SHANK2: variants seen among roughly 807,000 people sequenced by gnomAD.
SHANK2 encodes the protein SH3 and multiple ankyrin repeat domains 2, also known as SH3 and multiple ankyrin repeat domains protein 2.
Under a neutral mutation model 133.7 loss-of-function variants are expected in SHANK2, and 43 were observed. The ratio of observed to expected loss-of-function variants is 0.32; its 90% confidence interval spans 0.25 to 0.41. The LOEUF (loss-of-function observed/expected upper bound fraction) is 0.41. SHANK2 is among the 10% of genes least tolerant of loss of function. The pLI, the probability that SHANK2 is intolerant of heterozygous loss-of-function variation, is 1.00. For missense variants in SHANK2, 1,994 were observed against 2,235.8 expected (o/e 0.89, Z 2.18); for synonymous variants, 1,017 against 952.8 (o/e 1.07, Z -1.24).
At chr11:70,534,260 C>T (rs1434293084) in intron 17 of SHANK2, among the ~76,000 whole-genome samples, 16 of 152,136 alleles carry the variant, frequency 1.1e-4, no homozygotes, top group Admixed American at 2.0e-4. Flanking sequence ...CCTCACATGG[C>T]GGCAGGAGAG....
chr11:70,849,902 G>A (rs1555064959), intron 11 of SHANK2, among the ~76,000 whole-genome samples: 1 of 152,122 alleles, frequency 6.6e-6, no homozygotes, highest in Admixed American at 6.5e-5. Context: ...GTGACATCAA[G>A]TATATTCACA....
chr11:70,944,321 T>A (rs1372432117), intron 10 of SHANK2, among the ~76,000 whole-genome samples: 1 of 152,150 alleles, frequency 6.6e-6, no homozygotes, highest in East Asian at 1.9e-4. Flanking sequence ...TCCACACTCA[T>A]CCCAGGCCCG....
At chr11:71,091,442 A>G (rs1951518575) in intron 8 of SHANK2, among the ~76,000 whole-genome samples, 1 of 152,194 alleles carries the variant, frequency 6.6e-6, no homozygotes, top group Admixed American at 6.5e-5. Context: ...TGGTAATGGC[A>G]GAGGAGAACA....
chr11:70,730,894 C>A (rs1489372466), intron 14 of SHANK2, among the ~76,000 whole-genome samples: 3 of 132,728 alleles, frequency 2.3e-5, no homozygotes, highest in Admixed American at 8.4e-5. Flanking sequence ...TAAAAAAATA[C>A]AATTTGTTGG....
intron 14 of SHANK2, among the ~76,000 whole-genome samples, chr11:70,790,934 G>A (rs1555047864): frequency 6.6e-6 from 1 of 152,168 alleles, no homozygotes; most frequent in Non-Finnish European, 1.5e-5. Context: ...GGGGGCAGGG[G>A]ACCCTAAGGT....
intron 9 of SHANK2, among the ~76,000 whole-genome samples, chr11:71,060,729 A>T (rs1950977202): frequency 6.6e-6 from 1 of 152,224 alleles, no homozygotes; most frequent in South Asian, 2.1e-4. Flanking sequence ...ACAACACTGC[A>T]GATGGAGGCT....
chr11:71,109,884 C>T (rs1555098768), intron 6 of SHANK2, 57 bp downstream of exon 6: 4 of 1,060,802 alleles, frequency 3.8e-6, no homozygotes, highest in African/African-American at 3.2e-5. Flanking sequence ...GAGCAGTGGG[C>T]TGGCCTTCTC....
intron 25 of SHANK2, among the ~76,000 whole-genome samples, chr11:70,482,594 G>A (rs1555152002): frequency 1.3e-5 from 2 of 152,206 alleles, no homozygotes; most frequent in African/African-American, 4.8e-5. Flanking sequence ...TCACACAGTG[G>A]GAAAAATTAC....
intron 17 of SHANK2, among the ~76,000 whole-genome samples, chr11:70,516,180 C>G (rs533231837): frequency 6.6e-6 from 1 of 152,152 alleles, no homozygotes; most frequent in Admixed American, 6.5e-5. Context: ...AACACAATAT[C>G]GAAGGAGGAC....
chr11:70,939,862 A>G (rs1950620855), intron 10 of SHANK2, among the ~76,000 whole-genome samples: 1 of 152,214 alleles, frequency 6.6e-6, no homozygotes, highest in Non-Finnish European at 1.5e-5. Flanking sequence ...CGATCTTCAG[A>G]TGCAGAGACT....
intron 2 of SHANK2, among the ~76,000 whole-genome samples, chr11:71,186,223 C>T (rs1329391938): frequency 2.0e-5 from 3 of 152,210 alleles, no homozygotes; most frequent in Non-Finnish European, 1.5e-5. Context: ...CCTGCACGTC[C>T]CAGGCAAAAC....
At chr11:70,938,603 T>C (rs560673200) in intron 10 of SHANK2, among the ~76,000 whole-genome samples, 9 of 152,314 alleles carry the variant, frequency 5.9e-5, no homozygotes, top group African/African-American at 1.7e-4. Flanking sequence ...AGGAATGTGC[T>C]GAGCACAGGC....
intron 17 of SHANK2, among the ~76,000 whole-genome samples, chr11:70,616,900 C>T (rs2060750815): frequency 6.6e-6 from 1 of 152,156 alleles, no homozygotes; most frequent in Non-Finnish European, 1.5e-5. Context: ...CCACAGGGTG[C>T]AGCAGCCAGG....
At chr11:71,192,174 C>A (rs1206871365) in intron 2 of SHANK2, among the ~76,000 whole-genome samples, 1 of 152,192 alleles carries the variant, frequency 6.6e-6, no homozygotes, top group Admixed American at 6.5e-5. Flanking sequence ...ATCTCATCTT[C>A]TTATCAGGAC....
At chr11:70,492,815 A>C (rs1252927451) in intron 21 of SHANK2, among the ~76,000 whole-genome samples, 2 of 38,374 alleles carry the variant, frequency 5.2e-5, no homozygotes, top group African/African-American at 7.5e-5. Context: ...TTTTTTTTTG[A>C]GACAGTCTCT....
chr11:71,131,442 T>C (rs1213171357), intron 3 of SHANK2, among the ~76,000 whole-genome samples: 2 of 152,220 alleles, frequency 1.3e-5, no homozygotes, highest in Admixed American at 6.5e-5. Context: ...GGATTCGTTT[T>C]TCCAATCAGA....
chr11:70,553,439 A>G (rs1032617370), intron 17 of SHANK2, among the ~76,000 whole-genome samples: 2 of 152,124 alleles, frequency 1.3e-5, no homozygotes, highest in Non-Finnish European at 2.9e-5. Context: ...ATACAGTCAC[A>G]TTCTGAAGTA....
intron 2 of SHANK2, among the ~76,000 whole-genome samples, chr11:71,185,103 C>T (rs1452878710): frequency 1.3e-5 from 2 of 152,162 alleles, no homozygotes; most frequent in Admixed American, 1.3e-4. Context: ...CCAGGGGTAC[C>T]GGTGGGGGCC....
intron 12 of SHANK2, among the ~76,000 whole-genome samples, chr11:70,810,582 C>A (rs182039795): frequency 6.6e-6 from 1 of 152,232 alleles, no homozygotes; most frequent in African/African-American, 2.4e-5. Flanking sequence ...GCAAGGCTGG[C>A]GGCCATCATG....
Sources: gnomAD v4.1 joint callset for allele counts (sites outside exome capture counted in the v4.1 genomes callset) on GRCh38, gnomAD v4.1.1 for gene constraint, MANE v1.5 for transcripts, NCBI Gene and HGNC (gene_info 2026-07-23, HGNC 2026-07-21) for gene names.